IL12RB1: variants seen among roughly 807,000 people sequenced by gnomAD.
IL12RB1 encodes interleukin 12 receptor subunit beta 1.
IL12RB1 carries 64 observed loss-of-function variants against 94.4 expected under a neutral mutation model. The ratio of observed to expected loss-of-function variants is 0.68; its 90% confidence interval spans 0.55 to 0.83. The LOEUF is 0.83. Ranked by LOEUF, IL12RB1 falls within the 40% of genes least tolerant of loss-of-function variation. The pLI is 0.00. For missense variants in IL12RB1, 814 were observed against 855.6 expected, an observed-to-expected ratio of 0.95 and a Z score of 0.61; for synonymous variants, 362 against 355.5, an observed-to-expected ratio of 1.02 and a Z score of -0.21.
chr19:18,081,971 T>C (rs2035942089), intron 3 of IL12RB1, among the ~76,000 whole-genome samples, 179 bp downstream of exon 3: 1 of 152,036 alleles, frequency 6.6e-6, no homozygotes, highest in Non-Finnish European at 1.5e-5. Flanking sequence ...GATGCCTACC[T>C]TCACTGACCA....
Position 18,068,378 on chromosome 19 carries a change from G to A in IL12RB1, c.1327+11C>T. On this transcript the variant is annotated intron_variant, in intron 11 of 16. Transcript: ENST00000593993. ...AAAAATAATGTAAACCTGCAGGTTT[G>A]GGTCACTTACCATTGCCCCCAAAGT... 2 of 1,601,042 alleles carry A rather than the reference G, an allele frequency of 1.2e-6. No homozygotes were observed. Among genetic ancestry groups the A allele is most frequent in the East Asian group, 2.2e-5 (1 of 44,738 alleles).
At position 18,061,169 on chromosome 19, in the gene IL12RB1, G is replaced by A. The variant is rs1373255038; in HGVS notation, c.1744C>T (p.Pro582Ser). 3.1e-6 allele frequency: 5 copies of A among 1,597,340 alleles called. No individual in the cohort carries two copies. Among genetic ancestry groups the A allele is most frequent in the Non-Finnish European group, 4.3e-6 (5 of 1,170,466 alleles). ...RAARHLCPPL[P>S]TPCASSAIEF... ...ATGGCGGAGCTGGCACAGGGTGTGGGCAGCGGCGGGCACAGGTGCCGTGCG... is the reference window on the plus strand; with the variant it reads ...ATGGCGGAGCTGGCACAGGGTGTGGACAGCGGCGGGCACAGGTGCCGTGCG... The change falls in exon 15 of 17, where the codon CCC (proline) becomes TCC (serine). Residue 582 changes from proline to serine, a missense_variant. Physicochemically the swap from Pro to Ser is moderately conservative, Grantham distance 74. Transcript: ENST00000593993.
At chr19:18,067,530 G>T (rs528013588) in intron 11 of IL12RB1, among the ~76,000 whole-genome samples, 1 of 151,842 alleles carries the variant, frequency 6.6e-6, no homozygotes, top group Non-Finnish European at 1.5e-5. Context: ...CTGGCCGGGC[G>T]CAGTGGCTCA....
At chr19:18,081,847 A>G (rs1262764806) in intron 3 of IL12RB1, among the ~76,000 whole-genome samples, 1 of 148,404 alleles carries the variant, frequency 6.7e-6, no homozygotes, top group African/African-American at 2.5e-5. Context: ...AAAAAGAAAA[A>G]ATGGATGGAT....
In IL12RB1 at chr19:18,072,201, C is replaced by T. The variant is rs1320441982; in HGVS notation, c.932G>A (p.Gly311Asp). The T allele has an allele frequency of 1.9e-6, 3 of 1,614,006 alleles. No individual in the cohort carries two copies. Among genetic ancestry groups the T allele is most frequent in the Non-Finnish European group, 2.5e-6 (3 of 1,180,024 alleles). Reference protein sequence around the residue: ...LHLGKMPYLSGAAYNVAVISS... With the variant: ...LHLGKMPYLSDAAYNVAVISS... ...GATGACAGCCACGTTGTAGGCAGCA[C>T]CCGAGAGATAGGGCATCTTCCCCAG... Residue 311 changes from glycine (G) to aspartate (D), a missense_variant, in exon 9 of 17, where the codon GGT becomes GAT. Physicochemically the swap from Gly to Asp is moderately conservative, Grantham distance 94. Transcript: ENST00000593993.
Position 18,060,083 on chromosome 19 carries a change from A to G in IL12RB1, c.1794T>C (p.Thr598=). The G allele has an allele frequency of 6.3e-7, 1 of 1,579,760 alleles. No individual in the cohort carries two copies. Among genetic ancestry groups the G allele is most frequent in the Non-Finnish European group, 8.7e-7 (1 of 1,150,970 alleles). The change falls in exon 16 of 17, where the codon ACT becomes ACC. Residue 598 remains threonine, a splice_region_variant and synonymous_variant. Transcript: ENST00000593993. ...SAIEFPGGKE[T]WQWINPVDFQ... ...AGTCCACTGGGTTGATCCACTGCCA[A>G]GTCTGCAGAGGGAGGGTAGGGCCAC...
rs1322869027 is a variant in IL12RB1 at position 18,059,924 on chromosome 19, G to A, written c.1953C>T (p.Ser651=). ...CCTTGCACCTGTCTCCATCCTCCAA[G>A]GACAACTCTGTATCCAGGGCCAGCT... ...APELALDTEL[S]LEDGDRCKAK... is the part of the protein sequence containing the mutation. The change falls in exon 16 of 17, where the codon TCC becomes TCT. Residue 651 remains serine (S), a synonymous_variant. Transcript: ENST00000593993. 1.3e-6 allele frequency: 2 copies of A among 1,589,888 alleles called. No homozygotes were observed. The highest frequency in any genetic ancestry group is 1.7e-6 in the Non-Finnish European group (2 of 1,168,026).
At chr19:18,060,926 G>A (rs2034077302) in intron 15 of IL12RB1, among the ~76,000 whole-genome samples, 196 bp downstream of exon 15, 1 of 152,070 alleles carries the variant, frequency 6.6e-6, no homozygotes, top group Non-Finnish European at 1.5e-5. Flanking sequence ...TTATAATAAA[G>A]CCACTTTGAA....
At chr19:18,080,531 C>T (rs984293875) in intron 4 of IL12RB1, among the ~76,000 whole-genome samples, 5 of 152,098 alleles carry the variant, frequency 3.3e-5, no homozygotes, top group African/African-American at 1.2e-4. Flanking sequence ...TCCACCGCAC[C>T]CGGCAAAATA....
chr19:18,080,843 A>G lies in IL12RB1; in HGVS notation c.398T>C (p.Leu133Pro), dbSNP rs2035849494. ...TEKSPEVTLQ[L>P]YNSVKYEPPL... ...AACAAGGTGCTAACCTGAGTTGTAG[A>G]GCTGCAGGGTCACCTCAGGAGACTT... is the stretch of plus-strand genomic sequence containing the variant. The change falls in exon 4 of 17, where the codon CTC becomes CCC. Residue 133 changes from leucine to proline, a missense_variant. Transcript: ENST00000593993. The G allele has an allele frequency of 1.2e-6, 2 of 1,607,360 alleles. No homozygotes were observed. The highest frequency in any genetic ancestry group is 1.3e-5 in the African/African-American group (1 of 74,790).
At chr19:18,067,793 A>C (rs1191838934) in intron 11 of IL12RB1, among the ~76,000 whole-genome samples, 1 of 152,024 alleles carries the variant, frequency 6.6e-6, no homozygotes, top group Non-Finnish European at 1.5e-5. Context: ...AACTCCTGGG[A>C]TCAAGTGATC....
intron 14 of IL12RB1, 78 bp downstream of exon 14, chr19:18,062,103 C>T (rs1378321333): frequency 8.4e-6 from 8 of 955,200 alleles, no homozygotes; most frequent in Admixed American, 1.9e-5. Flanking sequence ...ACCCAATCTG[C>T]GGGCTAAGCT....
chr19:18,071,397 C>G (rs922485437), intron 9 of IL12RB1: 1 of 892,354 alleles, frequency 1.1e-6, no homozygotes, highest in African/African-American at 1.7e-5. Context: ...AGCCTTTTTT[C>G]TTTCTTTCTC....
chr19:18,084,597 G>A (rs932375267), intron 1 of IL12RB1, among the ~76,000 whole-genome samples: 4 of 144,646 alleles, frequency 2.8e-5, no homozygotes, highest in African/African-American at 7.8e-5. Flanking sequence ...ATCCATCCAC[G>A]TATTCATTCA....
At chr19:18,087,649 G>A (rs1305570086), upstream of IL12RB1, among the ~76,000 whole-genome samples, 2 of 151,432 alleles carry the variant, frequency 1.3e-5, no homozygotes, top group African/African-American at 4.9e-5. Flanking sequence ...CCCAGGAACT[G>A]GGACTACAGG....
intron 12 of IL12RB1, among the ~76,000 whole-genome samples, chr19:18,064,760 C>T (rs2034451931): frequency 6.6e-6 from 1 of 152,204 alleles, no homozygotes; most frequent in Non-Finnish European, 1.5e-5. Context: ...AGGCGTGAGC[C>T]ACCGCGTCCG....
intron 1 of IL12RB1, among the ~76,000 whole-genome samples, chr19:18,084,692 T>G (rs201308162): frequency 2.2e-4 from 31 of 143,942 alleles, no homozygotes; most frequent in East Asian, 1.6e-3. Flanking sequence ...CATCCATCCA[T>G]CCATCCATAC....
At chr19:18,059,727 C>T in intron 16 of IL12RB1, 114 bp from the exon 17 acceptor site, 1 of 752,010 alleles carries the variant, frequency 1.3e-6, no homozygotes. Context: ...AATAACCAGC[C>T]GTTGTGATTG....
At position 18,073,520 on chromosome 19, in the gene IL12RB1, C is replaced by A; in HGVS notation, c.780G>T (p.Glu260Asp). 6.2e-7 allele frequency: 1 copy of A among 1,601,582 alleles called. No homozygotes were observed. The highest frequency in any genetic ancestry group is 8.6e-7 in the Non-Finnish European group (1 of 1,168,632). ...QDGRRRLTLK[E>D]QPTQLELPEG... ...AGCCCTGTGACAGCCCCGTTACCTG[C>A]TCTTTCAGGGTCAGCCGCCTCCTCC... Residue 260 changes from glutamate (E) to aspartate (D), a missense_variant, in exon 8 of 17, where the codon GAG becomes GAT. Glu to Asp is a conservative substitution (Grantham distance 45). Transcript: ENST00000593993.
Sources: gnomAD v4.1 joint callset for allele counts (sites outside exome capture counted in the v4.1 genomes callset) on GRCh38, gnomAD v4.1.1 for gene constraint, MANE v1.5 for transcripts, NCBI Gene and HGNC (gene_info 2026-07-23, HGNC 2026-07-21) for gene names.